The following ESRP1 variants were observed in gnomAD, a reference collection of about 807,000 sequenced individuals.
The protein encoded by ESRP1 is epithelial splicing regulatory protein 1, also known as RNA-binding motif protein 35A.
ESRP1 carries 33 observed loss-of-function variants against 81.7 expected under a neutral mutation model. The observed-to-expected ratio is 0.40, with a 90% CI of 0.31 to 0.54. The LOEUF (loss-of-function observed/expected upper bound fraction) is 0.54. Among genes scored for constraint, ESRP1 ranks in the 20% least tolerant of loss-of-function variants. The pLI, the probability that ESRP1 is intolerant of heterozygous loss-of-function variation, is 0.41. For synonymous variants in ESRP1, 320 were observed against 303.3 expected, an observed-to-expected ratio of 1.06 and a Z score of -0.57; for missense variants, 672 against 833.1, an observed-to-expected ratio of 0.81 and a Z score of 2.38.
intron 15 of ESRP1, among the ~76,000 whole-genome samples, chr8:94,700,293 A>G (rs1001649503): frequency 2.0e-5 from 3 of 152,206 alleles, no homozygotes; most frequent in Admixed American, 2.0e-4. Context: ...CTTGAGAGGA[A>G]AATAGATCAT....
rs925740991 is a variant in ESRP1, at chr8:94,707,314, C to T, written c.*1425C>T. ...ATTGGTGATAACTGGCACTTAAGAT[C>T]GAAAAGAAATTTCTGTATACTTGAT... On this transcript the variant is annotated 3_prime_UTR_variant, in exon 16 of 16. Coordinates refer to ENST00000433389, the MANE Select transcript of ESRP1 (RefSeq NM_017697.4). The T allele has an allele frequency of 1.4e-4, 21 of 151,956 alleles. No individual in the cohort carries two copies. Among genetic ancestry groups the T allele is most frequent in the East Asian group, 5.8e-4 (3 of 5,174 alleles). The allele number at this position is 151,956 out of a possible 1,614,324, so 9.4% of individuals were successfully genotyped here.
chr8:94,646,056 T>A (rs57776079), intron 3 of ESRP1, 112 bp from the exon 4 acceptor site: 53 of 518,146 alleles, frequency 1.0e-4, no homozygotes, highest in Admixed American at 2.5e-4. Flanking sequence ...CATTAAATTT[T>A]AAATTTTTCC....
At chr8:94,702,031 T>C (rs1809861067) in intron 15 of ESRP1, among the ~76,000 whole-genome samples, 1 of 151,818 alleles carries the variant, frequency 6.6e-6, no homozygotes, top group South Asian at 2.1e-4. Context: ...TGAGCTGTCA[T>C]CGTGCCACTG....
chr8:94,705,824 A>G (rs1304791258), intron 15 of ESRP1, 101 bp from the exon 16 acceptor site: 1 of 1,112,500 alleles, frequency 9.0e-7, no homozygotes, highest in Non-Finnish European at 1.3e-6. Flanking sequence ...TTTTTTCCAC[A>G]AAGTCCTTGT....
At chr8:94,676,215 G>A (rs955846203) in intron 12 of ESRP1, among the ~76,000 whole-genome samples, 3 of 151,966 alleles carry the variant, frequency 2.0e-5, no homozygotes, top group Admixed American at 6.6e-5. Flanking sequence ...ACAAAAAATT[G>A]CCGGGAGTGG....
intron 10 of ESRP1, among the ~76,000 whole-genome samples, chr8:94,669,874 C>CAAAAAAAA (rs1263306176): frequency 1.1e-5 from 1 of 89,636 alleles, no homozygotes. Flanking sequence ...CTCCCGCTAC[C>CAAAAAAAA]AAAAAAAAAA....
At chr8:94,686,444 C>T (rs1352487287) in intron 13 of ESRP1, among the ~76,000 whole-genome samples, 1 of 152,182 alleles carries the variant, frequency 6.6e-6, no homozygotes, top group Non-Finnish European at 1.5e-5. Flanking sequence ...TTTGGAACAG[C>T]CCCTCTAGTA....
chr8:94,701,759 G>C (rs544509054), intron 15 of ESRP1, among the ~76,000 whole-genome samples: 1 of 151,998 alleles, frequency 6.6e-6, no homozygotes, highest in South Asian at 2.1e-4. Context: ...TCCAAGTTTC[G>C]TATCTGTTAG....
chr8:94,688,175 A>G (rs57653937), intron 13 of ESRP1: 52,274 of 153,030 alleles, frequency 0.34, 9,597 homozygotes, highest in East Asian at 0.56. Flanking sequence ...ATCAAATTGC[A>G]TTCTAATAAC....
chr8:94,644,327 T>A (rs1817745216), intron 3 of ESRP1, among the ~76,000 whole-genome samples: 1 of 152,134 alleles, frequency 6.6e-6, no homozygotes, highest in Admixed American at 6.5e-5. Flanking sequence ...TAGGTACCTG[T>A]ATAAGGCAAG....
At chr8:94,645,239 A>G (rs1235605448) in intron 3 of ESRP1, among the ~76,000 whole-genome samples, 1 of 152,162 alleles carries the variant, frequency 6.6e-6, no homozygotes, top group Non-Finnish European at 1.5e-5. Flanking sequence ...AATAGAAGGA[A>G]CTTGGAGAGG....
intron 15 of ESRP1, among the ~76,000 whole-genome samples, chr8:94,700,947 G>T (rs1809803960): frequency 9.0e-6 from 1 of 110,536 alleles, no homozygotes; most frequent in African/African-American, 5.4e-5. Flanking sequence ...ATGTGTGTGT[G>T]TGTGTATGTG....
At chr8:94,696,676 A>G (rs1332439734) in intron 14 of ESRP1, among the ~76,000 whole-genome samples, 176 bp from the exon 15 acceptor site, 1 of 152,190 alleles carries the variant, frequency 6.6e-6, no homozygotes, top group Non-Finnish European at 1.5e-5. Context: ...ATGGTATTTA[A>G]ACATGTTAAG....
intron 4 of ESRP1, among the ~76,000 whole-genome samples, chr8:94,650,460 A>G (rs977052448): frequency 1.3e-5 from 2 of 151,878 alleles, no homozygotes; most frequent in African/African-American, 4.8e-5. Context: ...ATCTTTTCAG[A>G]TTGTCTTTTT....
chr8:94,682,375 T>G (rs1453245220), intron 13 of ESRP1, among the ~76,000 whole-genome samples: 1 of 152,166 alleles, frequency 6.6e-6, no homozygotes. Context: ...CTTTTTTGTC[T>G]TTGTTTTTTG....
chr8:94,642,083 A>C lies in ESRP1; in HGVS notation c.260A>C (p.Gln87Pro). ...SASQLDQALRQFNQSVSNELN... is the reference protein window; with the variant it reads ...SASQLDQALRPFNQSVSNELN... ...TCGCAGCTGGACCAAGCCCTCCGACAGGTGACAACCCCGGGTCACGCCACC... is the reference window on the plus strand; with the variant it reads ...TCGCAGCTGGACCAAGCCCTCCGACCGGTGACAACCCCGGGTCACGCCACC... Residue 87 changes from glutamine to proline, a missense_variant and splice_region_variant, in exon 2 of 16, where the codon CAG becomes CCG. Transcript: ENST00000433389. The C allele has an allele frequency of 6.2e-7, 1 of 1,610,908 alleles. No homozygotes were observed. Among genetic ancestry groups the C allele is most frequent in the Non-Finnish European group, 8.5e-7 (1 of 1,179,652 alleles).
At chr8:94,698,360 C>G (rs961503452) in intron 15 of ESRP1, among the ~76,000 whole-genome samples, 1 of 152,156 alleles carries the variant, frequency 6.6e-6, no homozygotes, top group African/African-American at 2.4e-5. Context: ...ATTTGTCCTT[C>G]GGTAACTGGC....
At chr8:94,678,643 A>G (rs986694576) in intron 13 of ESRP1, among the ~76,000 whole-genome samples, 4 of 152,256 alleles carry the variant, frequency 2.6e-5, no homozygotes, top group Admixed American at 6.5e-5. Flanking sequence ...CCAAGTGAGT[A>G]GTGATGTGAT....
chr8:94,681,396 A>C (rs562155694), intron 13 of ESRP1, among the ~76,000 whole-genome samples: 1 of 144,582 alleles, frequency 6.9e-6, no homozygotes, highest in South Asian at 2.2e-4. Flanking sequence ...CCAGCACTTT[A>C]TGAGGCTGAG....
Sources: allele counts gnomAD v4.1 joint callset (sites outside exome capture counted in the v4.1 genomes callset), GRCh38; gene constraint gnomAD v4.1.1; transcripts MANE v1.5; gene names NCBI Gene and HGNC (gene_info 2026-07-23, HGNC 2026-07-21).